Variants in MYT1L observed in about 807,000 individuals in gnomAD.
The protein encoded by MYT1L is myelin transcription factor 1-like protein.
In MYT1L, 12 loss-of-function variants were observed where a neutral mutation model predicts 126.7. The observed-to-expected ratio is 0.09, with a 90% CI of 0.06 to 0.15. The LOEUF is 0.15. Among genes scored for constraint, MYT1L ranks in the 10% least tolerant of loss-of-function variants. The pLI is 1.00. For synonymous variants in MYT1L, 541 were observed against 604.2 expected (o/e 0.90, Z 1.53); for missense variants, 979 against 1,585.2 (o/e 0.62, Z 6.49).
intron 3 of MYT1L, among the ~76,000 whole-genome samples, chr2:2,102,039 A>G (rs2078154443): frequency 6.6e-6 from 1 of 152,112 alleles, no homozygotes; most frequent in Admixed American, 6.5e-5. Flanking sequence ...TCCTGAATAC[A>G]TTATCTCAGA....
chr2:2,227,132 C>A (rs1230435108), intron 2 of MYT1L, among the ~76,000 whole-genome samples: 1 of 152,154 alleles, frequency 6.6e-6, no homozygotes, highest in East Asian at 1.9e-4. Flanking sequence ...CTGTCCCGGC[C>A]TGCTTTTCCC....
At chr2:1,951,637 C>A (rs376130514) in intron 8 of MYT1L, among the ~76,000 whole-genome samples, 1 of 152,168 alleles carries the variant, frequency 6.6e-6, no homozygotes, top group Non-Finnish European at 1.5e-5. Context: ...CCTGTTTAAC[C>A]GCGGGAGATG....
At chr2:2,157,632 G>T (rs1469524553) in intron 3 of MYT1L, among the ~76,000 whole-genome samples, 1 of 152,324 alleles carries the variant, frequency 6.6e-6, no homozygotes, top group Non-Finnish European at 1.5e-5. Context: ...GGAAAGGCAG[G>T]AGATGAAACA....
chr2:1,855,546 C>A (rs937427500), intron 18 of MYT1L, among the ~76,000 whole-genome samples: 3 of 152,214 alleles, frequency 2.0e-5, no homozygotes, highest in Non-Finnish European at 4.4e-5. Context: ...GGAAAGAGCA[C>A]CACTCACCTA....
chr2:2,206,961 A>G (rs572631626), intron 2 of MYT1L, among the ~76,000 whole-genome samples: 1 of 152,292 alleles, frequency 6.6e-6, no homozygotes, highest in Non-Finnish European at 1.5e-5. Flanking sequence ...TTCATTCCCT[A>G]TGGAGAAAGC....
intron 1 of MYT1L, among the ~76,000 whole-genome samples, chr2:2,328,730 GTAA>G (rs2096266912): frequency 6.6e-6 from 1 of 152,122 alleles, no homozygotes; most frequent in African/African-American, 2.4e-5. Flanking sequence ...CAGTTGAAAA[GTAA>G]TAATGTTTAC....
Position 2,088,004 on chromosome 2 carries a change from G to A in MYT1L, c.-303-33881C>T, listed in dbSNP as rs148135515. Among the ~76,000 whole-genome samples, 705 of 152,306 alleles carry A rather than the reference G, an allele frequency of 4.6e-3. 2 individuals carry two copies. The highest frequency in any genetic ancestry group is 0.011 in the Admixed American group (169 of 15,300). Reference sequence around the variant, plus strand: ...GCATGTTTCTCCCTCTGTAACACACGAGTGTAAATCTCTAACTTGCAGGAT... The same window carrying A: ...GCATGTTTCTCCCTCTGTAACACACAAGTGTAAATCTCTAACTTGCAGGAT... On this transcript the variant is annotated intron_variant, in intron 3 of 24. Coordinates refer to ENST00000647738, the MANE Select transcript of MYT1L (RefSeq NM_001303052.2).
At chr2:2,089,369 T>C (rs1558974669) in intron 3 of MYT1L, among the ~76,000 whole-genome samples, 1 of 152,186 alleles carries the variant, frequency 6.6e-6, no homozygotes, top group Non-Finnish European at 1.5e-5. Context: ...CTGTAAGCAC[T>C]GAATGCCTGG....
At chr2:1,859,115 C>T (rs917692736) in intron 18 of MYT1L, among the ~76,000 whole-genome samples, 4 of 152,146 alleles carry the variant, frequency 2.6e-5, no homozygotes, top group African/African-American at 9.7e-5. Context: ...TAGAGGGTCT[C>T]CCATTCGGCT....
At chr2:2,128,824 C>T (rs528676931) in intron 3 of MYT1L, among the ~76,000 whole-genome samples, 1 of 152,276 alleles carries the variant, frequency 6.6e-6, no homozygotes, top group South Asian at 2.1e-4. Context: ...AAAGAGATGT[C>T]CTTCATCATC....
chr2:2,031,103 C>A (rs977799586), intron 4 of MYT1L, among the ~76,000 whole-genome samples: 13 of 152,214 alleles, frequency 8.5e-5, no homozygotes, highest in Admixed American at 8.5e-4. Context: ...TCTTTAACTT[C>A]AGAAGTTAAA....
In MYT1L at chr2:2,187,549, G is replaced by A. The variant is rs376999591; in HGVS notation, c.-420-14561C>T. Among the ~76,000 whole-genome samples the A allele has an allele frequency of 4.2e-4, 64 of 151,886 alleles. 1 individual carries two copies. The highest frequency in any genetic ancestry group is 1.5e-3 in the African/African-American group (64 of 41,414). On this transcript the variant is annotated intron_variant, in intron 2 of 24. Coordinates refer to ENST00000647738, the MANE Select transcript of MYT1L (RefSeq NM_001303052.2). Reference sequence around the variant, plus strand: ...GAAGCCAGCCTCGCCCCCGTGGAAAGGAACAGGCACCAAACAAGCAGATGA... The same window carrying A: ...GAAGCCAGCCTCGCCCCCGTGGAAAAGAACAGGCACCAAACAAGCAGATGA...
chr2:2,291,272 A>C (rs1186342939), intron 1 of MYT1L, among the ~76,000 whole-genome samples: 37 of 152,230 alleles, frequency 2.4e-4, no homozygotes. Context: ...TGACTATGAA[A>C]CCAGTGATTT....
At chr2:2,251,482 AC>A (rs1354507522) in intron 2 of MYT1L, among the ~76,000 whole-genome samples, 2 of 151,774 alleles carry the variant, frequency 1.3e-5, no homozygotes, top group Non-Finnish European at 2.9e-5. Flanking sequence ...ACAGGACTGT[AC>A]CCCCCACCTC....
At position 2,022,444 on chromosome 2, in the gene MYT1L, T is replaced by C. The variant is rs187399258; in HGVS notation, c.-157-25097A>G. 1.7e-3 allele frequency among the ~76,000 whole-genome samples: 251 copies of C among 152,116 alleles called. 1 individual carries two copies. Among genetic ancestry groups the C allele is most frequent in the African/African-American group, 5.7e-3 (235 of 41,502 alleles). On this transcript the variant is annotated intron_variant, in intron 4 of 24. Transcript: ENST00000647738. ...AGTTCCACAGCATTAATTTTAGGTATTTTTTTTAAACAAAAGGATACACAA... is the reference window on the plus strand; with the variant it reads ...AGTTCCACAGCATTAATTTTAGGTACTTTTTTTAAACAAAAGGATACACAA...
intron 8 of MYT1L, among the ~76,000 whole-genome samples, chr2:1,960,845 C>T (rs934195548): frequency 6.6e-6 from 1 of 152,018 alleles, no homozygotes; most frequent in Non-Finnish European, 1.5e-5. Flanking sequence ...TCTCTGGGTG[C>T]TCATGTCCCT....
intron 4 of MYT1L, among the ~76,000 whole-genome samples, chr2:2,050,200 A>C (rs973151602): frequency 6.6e-6 from 1 of 152,194 alleles, no homozygotes; most frequent in Middle Eastern, 3.2e-3. Context: ...AGATTTGCCC[A>C]AAAACAAGTG....
intron 2 of MYT1L, among the ~76,000 whole-genome samples, chr2:2,207,598 A>T (rs1209302405): frequency 6.6e-6 from 1 of 152,224 alleles, no homozygotes; most frequent in Non-Finnish European, 1.5e-5. Context: ...TTGGTTCACC[A>T]CTAAGCCTGG....
chr2:1,898,071 C>G (rs561222740), intron 14 of MYT1L, among the ~76,000 whole-genome samples: 2 of 152,318 alleles, frequency 1.3e-5, no homozygotes, highest in South Asian at 4.1e-4. Flanking sequence ...CCAGGTAGGA[C>G]CTTTTCATTC....
Sources: gnomAD v4.1 joint callset for allele counts (sites outside exome capture counted in the v4.1 genomes callset) on GRCh38, gnomAD v4.1.1 for gene constraint, MANE v1.5 for transcripts, NCBI Gene and HGNC (gene_info 2026-07-23, HGNC 2026-07-21) for gene names.